SRSF9: variants seen among roughly 807,000 people sequenced by gnomAD.
SRSF9 encodes the protein serine and arginine rich splicing factor 9.
SRSF9 carries 3 observed loss-of-function variants against 25.9 expected under a neutral mutation model. That is an observed-to-expected ratio of 0.12 (90% CI 0.05 to 0.30). The LOEUF is 0.30. SRSF9 is among the 10% of genes least tolerant of loss of function. The pLI, the probability that SRSF9 is intolerant of heterozygous loss-of-function variation, is 1.00. For missense variants in SRSF9, 161 were observed against 303.5 expected, an observed-to-expected ratio of 0.53 and a Z score of 3.49; for synonymous variants, 114 against 113.2, an observed-to-expected ratio of 1.01 and a Z score of -0.05.
chr12:120,464,139 TAAG>T lies in SRSF9; in HGVS notation c.350-20_350-18del, dbSNP rs1462542997. 1 of 1,606,242 alleles carries T rather than the reference TAAG, an allele frequency of 6.2e-7. No individual in the cohort carries two copies. Among genetic ancestry groups the T allele is most frequent in the Admixed American group, 1.7e-5 (1 of 58,800 alleles). ...GAGGAAGTCCTAGGCATGGAGAACA[TAAG>T]AAAGCCCACATCCTTCAGCTATGTT... is the stretch of plus-strand genomic sequence containing the variant. On this transcript the variant is annotated intron_variant, in intron 2 of 3. Transcript: ENST00000229390.
intron 1 of SRSF9, among the ~76,000 whole-genome samples, chr12:120,468,966 A>G (rs1357129521): frequency 1.3e-5 from 2 of 151,096 alleles, no homozygotes; most frequent in African/African-American, 2.4e-5. Context: ...TCCCTCCACG[A>G]CCTCCAGCGG....
At chr12:120,463,866 G>C (rs759271026) in intron 3 of SRSF9, 84 bp downstream of exon 3, 1 of 1,473,806 alleles carries the variant, frequency 6.8e-7, no homozygotes, top group Non-Finnish European at 9.1e-7. Context: ...TTACCAAATG[G>C]CATGGCCTCT....
In SRSF9 at chr12:120,469,682, G is replaced by A; in HGVS notation, c.-73C>T. ...CCGCCTCAGCACGGGTCCCCCCGCA[G>A]CGTCCCCGCGGGCTCCGAGGCGCTC... On this transcript the variant is annotated 5_prime_UTR_variant, in exon 1 of 4. Coordinates refer to ENST00000229390, the MANE Select transcript of SRSF9 (RefSeq NM_003769.3). The A allele has an allele frequency of 9.9e-7, 1 of 1,010,872 alleles. No individual in the cohort carries two copies. Among genetic ancestry groups the A allele is most frequent in the African/African-American group, 1.7e-5 (1 of 58,674 alleles). The allele number at this position is 1,010,872 out of a possible 1,614,324, so 62.6% of individuals were successfully genotyped here. A position where few individuals can be genotyped will look rare whatever the true frequency, so the allele number is the denominator to read the frequency against.
chr12:120,469,701 G>A lies in SRSF9; in HGVS notation c.-92C>T, dbSNP rs929263737. ...CCCGCAGCGTCCCCGCGGGCTCCGA[G>A]GCGCTCAGCCGCACTGCATTGTGGG... is the stretch of plus-strand genomic sequence containing the variant. On this transcript the variant is annotated 5_prime_UTR_variant, in exon 1 of 4. Coordinates refer to ENST00000229390, the MANE Select transcript of SRSF9 (RefSeq NM_003769.3). 26 of 817,910 alleles carry A rather than the reference G, an allele frequency of 3.2e-5. No homozygotes were observed. The African/African-American group carries it at 4.6e-4, about 14-fold the overall frequency. The allele number at this position is 817,910 out of a possible 1,614,324, so 50.7% of individuals were successfully genotyped here.
Position 120,469,668 on chromosome 12 carries a change from CG to C in SRSF9, c.-60del. The C allele has an allele frequency of 9.1e-7, 1 of 1,100,390 alleles. No homozygotes were observed. The highest frequency in any genetic ancestry group is 3.8e-5 in the East Asian group (1 of 26,534). The allele number at this position is 1,100,390 out of a possible 1,614,324, so 68.2% of individuals were successfully genotyped here. On this transcript the variant is annotated 5_prime_UTR_variant, in exon 1 of 4. Coordinates refer to ENST00000229390, the MANE Select transcript of SRSF9 (RefSeq NM_003769.3). ...CCACGTCGCCGCCGCCGCCTCAGCA[CG>C]GGTCCCCCCGCAGCGTCCCCGCGGG...
chr12:120,469,371 G>A, intron 1 of SRSF9, 51 bp downstream of exon 1: 2 of 1,470,884 alleles, frequency 1.4e-6, no homozygotes, highest in Non-Finnish European at 1.8e-6. Context: ...AGCAGGGAAG[G>A]CGGGGGCCTC....
Position 120,461,939 on chromosome 12 carries a change from C to A in SRSF9, c.*80G>T. ...AAAAAAATTTCCTAAGACACTAAAT[C>A]CTCAATCTGGAATGTAGATTCTGAG... On this transcript the variant is annotated 3_prime_UTR_variant, in exon 4 of 4. Transcript: ENST00000229390. 1 of 1,347,896 alleles carries A rather than the reference C, an allele frequency of 7.4e-7. No individual in the cohort carries two copies. Among genetic ancestry groups the A allele is most frequent in the Non-Finnish European group, 9.7e-7 (1 of 1,030,576 alleles). The allele number at this position is 1,347,896 out of a possible 1,614,324, so 83.5% of individuals were successfully genotyped here.
At chr12:120,464,628 A>G (rs1240583013) in intron 2 of SRSF9, 2 of 153,850 alleles carry the variant, frequency 1.3e-5, no homozygotes, top group Non-Finnish European at 2.9e-5. Context: ...TATGAATGAC[A>G]AACTATACAG....
At position 120,469,745 on chromosome 12, in the gene SRSF9, A is replaced by C; in HGVS notation, c.-136T>G. 6.2e-6 allele frequency: 3 copies of C among 481,450 alleles called. No individual in the cohort carries two copies. Among genetic ancestry groups the C allele is most frequent in the African/African-American group, 2.1e-5 (1 of 48,636 alleles). The allele number at this position is 481,450 out of a possible 1,614,324, so 29.8% of individuals were successfully genotyped here. On this transcript the variant is annotated 5_prime_UTR_variant, in exon 1 of 4. Transcript: ENST00000229390. ...TTGTGGGAACGCGGAGCGGAAGCGA[A>C]GGGGTCGGCGGAGGCAAAAGGAGTC...
chr12:120,461,892 T>TC lies in SRSF9; in HGVS notation c.*126dup. 9.8e-7 allele frequency: 1 copy of TC among 1,020,530 alleles called. No homozygotes were observed. 63.2% of individuals were successfully genotyped at this position (1,020,530 alleles called of 1,614,324 possible). A position where few individuals can be genotyped will look rare whatever the true frequency, so the allele number is the denominator to read the frequency against. On this transcript the variant is annotated 3_prime_UTR_variant, in exon 4 of 4. Coordinates refer to ENST00000229390, the MANE Select transcript of SRSF9 (RefSeq NM_003769.3). ...CTGGTAGAAATTATGTAGTTTTTTTTCTTCTTTAAAAAAAAAAAATTAAAA... is the reference window on the plus strand; with the variant it reads ...CTGGTAGAAATTATGTAGTTTTTTTTCCTTCTTTAAAAAAAAAAAATTAAAA...
chr12:120,462,262 C>T, intron 3 of SRSF9, 100 bp from the exon 4 acceptor site: 5 of 1,314,864 alleles, frequency 3.8e-6, no homozygotes, highest in Non-Finnish European at 5.2e-6. Flanking sequence ...GTATTGAGCA[C>T]TTACTGTGTA....
rs748662220 is a variant in SRSF9 at position 120,469,422 on chromosome 12, C to T, written c.188G>A (p.Arg63Gln). ...PFAFVRFEDP[R>Q]DAEDAIYGRN... ...GAGGGCAGGGGCGCGGGGGCCTCAC[C>T]GGGGGTCCTCGAAGCGCACGAAGGC... Residue 63 changes from arginine to glutamine, a missense_variant and splice_region_variant, in exon 1 of 4, where the codon CGA becomes CAA. Arg to Gln is a conservative substitution (Grantham distance 43, BLOSUM62 1). This residue lies in a region of SRSF9 where 99 missense variants were observed against 156.7 expected (regional missense o/e 0.63). Transcript: ENST00000229390. 6 of 1,577,572 alleles carry T rather than the reference C, an allele frequency of 3.8e-6. No individual in the cohort carries two copies. Among genetic ancestry groups the T allele is most frequent in the Non-Finnish European group, 5.2e-6 (6 of 1,163,036 alleles).
intron 2 of SRSF9, 152 bp downstream of exon 2, chr12:120,465,475 T>C (rs1009990555): frequency 1.0e-4 from 76 of 761,552 alleles, no homozygotes; most frequent in Non-Finnish European, 1.2e-4. Flanking sequence ...ACTTTCCTCA[T>C]TGGCAATCCA....
chr12:120,463,877 T>G, intron 3 of SRSF9, 73 bp downstream of exon 3: 1 of 1,515,638 alleles, frequency 6.6e-7, no homozygotes, highest in Non-Finnish European at 8.9e-7. Context: ...CATGGCCTCT[T>G]GCTACCTCTG....
At chr12:120,467,046 G>C (rs1878497388) in intron 1 of SRSF9, among the ~76,000 whole-genome samples, 1 of 152,222 alleles carries the variant, frequency 6.6e-6, no homozygotes, top group South Asian at 2.1e-4. Context: ...GACAAGAGGA[G>C]CTGAATGTGC....
chr12:120,469,445 G>A lies in SRSF9; in HGVS notation c.165C>T (p.Ala55=), dbSNP rs1270399379. The change falls in exon 1 of 4, where the codon GCC becomes GCT. Residue 55 remains alanine, a synonymous_variant. Transcript: ENST00000229390. ...ACCGGGGGTCCTCGAAGCGCACGAA[G>A]GCGAAGGGCACGAGGCCGTGCCGGT... ...LKNRHGLVPF[A]FVRFEDPRDA... 6 of 1,587,984 alleles carry A rather than the reference G, an allele frequency of 3.8e-6. No individual in the cohort carries two copies. Among genetic ancestry groups the A allele is most frequent in the Non-Finnish European group, 5.1e-6 (6 of 1,168,550 alleles).
chr12:120,467,499 TCAATAAATA>T (rs1486782483), intron 1 of SRSF9, among the ~76,000 whole-genome samples: 14 of 152,110 alleles, frequency 9.2e-5, no homozygotes, highest in African/African-American at 2.9e-4. Flanking sequence ...AGACTCCATC[TCAATAAATA>T]CAATAAATAA....
At chr12:120,467,850 T>C (rs2137051824) in intron 1 of SRSF9, among the ~76,000 whole-genome samples, 2 of 146,536 alleles carry the variant, frequency 1.4e-5, no homozygotes, top group African/African-American at 5.1e-5. Context: ...ACCTCAGCAT[T>C]TTGGGAGGCT....
intron 1 of SRSF9, among the ~76,000 whole-genome samples, chr12:120,468,206 G>T (rs1193533870): frequency 1.3e-5 from 2 of 151,514 alleles, no homozygotes; most frequent in East Asian, 3.9e-4. Flanking sequence ...GCTGAGACGG[G>T]AGAATCACCT....
Sources: allele counts gnomAD v4.1 joint callset (sites outside exome capture counted in the v4.1 genomes callset), GRCh38; gene constraint gnomAD v4.1.1; regional missense constraint gnomAD v4.1.1; transcripts MANE v1.5; gene names NCBI Gene and HGNC (gene_info 2026-07-23, HGNC 2026-07-21).